NXPE2: variants seen among roughly 807,000 people sequenced by gnomAD.
NXPE2 encodes the protein neurexophilin and PC-esterase domain family member 2.
Under a neutral mutation model 34.4 loss-of-function variants are expected in NXPE2, and 34 were observed. The observed-to-expected ratio is 0.99, with a 90% confidence interval of 0.75 to 1.31. The LOEUF (loss-of-function observed/expected upper bound fraction) is 1.31. Ranked by LOEUF, NXPE2 falls within the 40% of genes most tolerant of loss-of-function variation. The pLI, the probability that NXPE2 is intolerant of heterozygous loss-of-function variation, is 0.00. For synonymous variants in NXPE2, 235 were observed against 231.3 expected (o/e 1.02, Z -0.15); for missense variants, 649 against 672.5 (o/e 0.97, Z 0.39).
At chr11:114,722,140 C>T in the NXPE2 span, among the ~76,000 whole-genome samples, 3 of 152,136 alleles carry the variant, frequency 2.0e-5, no homozygotes, top group East Asian at 3.9e-4. Flanking sequence ...GACTCTGTGT[C>T]CCCACCCATA....
intron 2 of NXPE2, among the ~76,000 whole-genome samples, chr11:114,695,834 C>A (rs904913552): frequency 7.9e-6 from 1 of 126,534 alleles, no homozygotes; most frequent in Non-Finnish European, 1.6e-5. Context: ...CTACTAAACA[C>A]ACACACACAC....
the NXPE2 span, among the ~76,000 whole-genome samples, chr11:114,540,885 T>TTG: frequency 1.7e-4 from 14 of 81,290 alleles, 5 homozygotes; most frequent in East Asian, 1.7e-3. Flanking sequence ...TTTTTTTTTT[T>TTG]GGCTTGAACA....
At chr11:114,605,495 TAA>T in the NXPE2 span, among the ~76,000 whole-genome samples, 46 of 151,646 alleles carry the variant, frequency 3.0e-4, 1 homozygote, top group African/African-American at 1.1e-3. Flanking sequence ...CGGTGGATAA[TAA>T]GTGTTGCCCC....
chr11:114,594,795 C>T, the NXPE2 span: 2 of 1,141,192 alleles, frequency 1.8e-6, no homozygotes, highest in African/African-American at 1.6e-5. Flanking sequence ...CAAAAACAAG[C>T]ACAAAAACAT....
chr11:114,663,833 A>C, the NXPE2 span, among the ~76,000 whole-genome samples: 1 of 152,174 alleles, frequency 6.6e-6, no homozygotes, highest in African/African-American at 2.4e-5. Flanking sequence ...CAGAAAAGAT[A>C]TGAGCATATA....
chr11:114,664,327 G>T, the NXPE2 span, among the ~76,000 whole-genome samples: 1 of 152,122 alleles, frequency 6.6e-6, no homozygotes, highest in Non-Finnish European at 1.5e-5. Flanking sequence ...GGCTTGTAAA[G>T]GTCTGGGATT....
chr11:114,702,901 GA>G (rs1951392730), intron 3 of NXPE2, among the ~76,000 whole-genome samples: 1 of 152,128 alleles, frequency 6.6e-6, no homozygotes, highest in Non-Finnish European at 1.5e-5. Context: ...CTCAATCTTA[GA>G]AAGGGCTTTC....
chr11:114,755,666 A>G, the NXPE2 span, among the ~76,000 whole-genome samples: 1 of 148,734 alleles, frequency 6.7e-6, no homozygotes, highest in Non-Finnish European at 1.5e-5. Context: ...CTATCCATCC[A>G]TTTATCTATC....
chr11:114,743,982 A>G, the NXPE2 span, among the ~76,000 whole-genome samples: 4 of 150,412 alleles, frequency 2.7e-5, no homozygotes, highest in African/African-American at 9.7e-5. Context: ...CAAAGCTAGG[A>G]AAAGGTGTGT....
chr11:114,506,938 T>C, the NXPE2 span, among the ~76,000 whole-genome samples: 1 of 151,660 alleles, frequency 6.6e-6, no homozygotes, highest in African/African-American at 2.4e-5. Context: ...GATCAACAAA[T>C]CCAGGAGCTG....
chr11:114,491,252 G>A, the NXPE2 span, among the ~76,000 whole-genome samples: 6 of 150,624 alleles, frequency 4.0e-5, no homozygotes, highest in Non-Finnish European at 4.4e-5. Flanking sequence ...GAAAATTTTC[G>A]CAACCTACTC....
At chr11:114,784,476 A>G in the NXPE2 span, among the ~76,000 whole-genome samples, 2 of 152,208 alleles carry the variant, frequency 1.3e-5, no homozygotes, top group Non-Finnish European at 1.5e-5. Flanking sequence ...GCTGCTGCCC[A>G]ATGGAAATCC....
the NXPE2 span, among the ~76,000 whole-genome samples, chr11:114,590,624 A>C: frequency 6.6e-5 from 10 of 152,192 alleles, no homozygotes; most frequent in African/African-American, 1.9e-4. Context: ...GAGGGCCTTC[A>C]ATCTTTATGT....
the NXPE2 span, among the ~76,000 whole-genome samples, chr11:114,592,176 A>G: frequency 6.6e-6 from 1 of 152,178 alleles, no homozygotes; most frequent in South Asian, 2.1e-4. Flanking sequence ...TAGCCAGAGC[A>G]ATTAAGTCAG....
At chr11:114,495,017 G>T in the NXPE2 span, among the ~76,000 whole-genome samples, 1 of 152,220 alleles carries the variant, frequency 6.6e-6, no homozygotes, top group African/African-American at 2.4e-5. Context: ...TCTCTGGATT[G>T]CCAGGCAGAC....
the NXPE2 span, among the ~76,000 whole-genome samples, chr11:114,487,159 A>G: frequency 6.6e-6 from 1 of 151,828 alleles, no homozygotes; most frequent in African/African-American, 2.4e-5. Flanking sequence ...TTGTATGAAA[A>G]AAGTTTCTTG....
chr11:114,623,515 T>C, the NXPE2 span, among the ~76,000 whole-genome samples: 1 of 152,084 alleles, frequency 6.6e-6, no homozygotes, highest in Non-Finnish European at 1.5e-5. Flanking sequence ...ATAATAAGTA[T>C]TCCCTCGTGG....
the NXPE2 span, among the ~76,000 whole-genome samples, chr11:114,663,678 T>TTATC: frequency 0.14 from 20,122 of 145,920 alleles, 1,497 homozygotes; most frequent in African/African-American, 0.17. Flanking sequence ...ATCTATCTAT[T>TTATC]TATCTATCTA....
the NXPE2 span, among the ~76,000 whole-genome samples, chr11:114,653,764 G>A: frequency 3.3e-5 from 5 of 151,880 alleles, no homozygotes; most frequent in African/African-American, 1.2e-4. Context: ...TCCTGACCTC[G>A]TGATCTGCCC....
Sources: allele counts gnomAD v4.1 joint callset (sites outside exome capture counted in the v4.1 genomes callset), GRCh38; gene constraint gnomAD v4.1.1; transcripts MANE v1.5; gene names NCBI Gene and HGNC (gene_info 2026-07-23, HGNC 2026-07-21).